Variants in DYNC1H1 observed in about 807,000 individuals in gnomAD.
DYNC1H1 encodes the protein cytoplasmic dynein 1 heavy chain 1.
In DYNC1H1, 51 loss-of-function variants were observed where a neutral mutation model predicts 527.1. That is an observed-to-expected ratio of 0.10 (90% CI 0.08 to 0.12). The LOEUF (loss-of-function observed/expected upper bound fraction) is 0.12, where lower values mean the gene tolerates loss of function less well. Among genes scored for constraint, DYNC1H1 ranks in the 10% least tolerant of loss-of-function variants. The pLI is 1.00. For missense variants in DYNC1H1, 2,771 were observed against 5,971.8 expected, an observed-to-expected ratio of 0.46 and a Z score of 17.66; for synonymous variants, 2,189 against 2,278.8, an observed-to-expected ratio of 0.96 and a Z score of 1.12.
At position 102,002,760 on chromosome 14, in the gene DYNC1H1, A is replaced by G. The variant is rs774668448; in HGVS notation, c.4710-32A>G. The stretch of plus-strand genomic sequence containing the variant: ...CAGCGGCTAGTGACTACTCTACACA[A>G]AGGCTGACGCATGTTTTAATTTCAT... On this transcript the variant is annotated intron_variant, in intron 22 of 77. Transcript: ENST00000360184. This position sits in a 1 kb window ranked among gnomAD's most constrained non-coding sequence, Gnocchi z 4.4. 3 of 1,614,252 alleles carry G rather than the reference A, an allele frequency of 1.9e-6. No homozygotes were observed. In the South Asian group the frequency reaches 3.3e-5, roughly 18 times the overall value.
intron 15 of DYNC1H1, among the ~76,000 whole-genome samples, chr14:101,995,799 G>A (rs919927769): frequency 6.6e-6 from 1 of 152,072 alleles, no homozygotes; most frequent in African/African-American, 2.4e-5. Context: ...GGTGGCTCAT[G>A]CCTGTAATCC....
At chr14:101,980,765 TA>T (rs1178844307) in intron 5 of DYNC1H1, among the ~76,000 whole-genome samples, 1 of 152,270 alleles carries the variant, frequency 6.6e-6, no homozygotes, top group African/African-American at 2.4e-5. Flanking sequence ...TCAGGGGATT[TA>T]AGAACATGAA....
Position 101,984,401 on chromosome 14 carries a change from A to ATGTGTGTG in DYNC1H1, c.1461+816_1461+823dup, listed in dbSNP as rs34162363. Among the ~76,000 whole-genome samples the ATGTGTGTG allele has an allele frequency of 4.2e-3, 435 of 102,392 alleles. 2 individuals carry two copies. Among genetic ancestry groups the ATGTGTGTG allele is most frequent in the African/African-American group, 0.019 (414 of 21,488 alleles). The allele number at this position is 102,392 out of a possible 152,430, so 67.2% of individuals were successfully genotyped here. A position where few individuals can be genotyped will look rare whatever the true frequency, so the allele number is the denominator to read the frequency against. ...TGTGTGTATATATATATGCGTATAT[A>ATGTGTGTG]TGTGTGTGTGTGTGTGTGTGTGTGT... On this transcript the variant is annotated intron_variant, in intron 7 of 77. Transcript: ENST00000360184.
At position 101,965,253 on chromosome 14, in the gene DYNC1H1, A is replaced by G. The variant is rs1392711244; in HGVS notation, c.256+306A>G. ...GGGAAAGGGGTCCCCGTCTGCCGTC[A>G]CCCAAAACAATGGGGTCGCTTTGTC... On this transcript the variant is annotated intron_variant, in intron 1 of 77. Coordinates refer to ENST00000360184, the MANE Select transcript of DYNC1H1 (RefSeq NM_001376.5). The surrounding 1 kb of genome is among the most constrained non-coding windows in gnomAD (Gnocchi z 4.1). 3.3e-5 allele frequency among the ~76,000 whole-genome samples: 5 copies of G among 152,106 alleles called. No individual in the cohort carries two copies. The highest frequency in any genetic ancestry group is 7.4e-5 in the Non-Finnish European group (5 of 67,994).
chr14:101,995,338 G>T, intron 15 of DYNC1H1, 38 bp downstream of exon 15: 1 of 1,612,622 alleles, frequency 6.2e-7, no homozygotes, highest in South Asian at 1.1e-5. Flanking sequence ...TTGGCTGGGC[G>T]TGGTGGCTCA....
chr14:101,971,147 G>A (rs886315254), intron 1 of DYNC1H1, among the ~76,000 whole-genome samples: 1 of 141,438 alleles, frequency 7.1e-6, no homozygotes, highest in South Asian at 2.3e-4. Flanking sequence ...GCCCAGGCTG[G>A]AGTGCAGCGC....
chr14:102,008,049 A>G, intron 28 of DYNC1H1, 129 bp from the exon 29 acceptor site: 1 of 1,319,810 alleles, frequency 7.6e-7, no homozygotes, highest in Non-Finnish European at 1.1e-6. Flanking sequence ...TTATGTCCTT[A>G]CACGCTCTTT....
chr14:101,990,998 A>C (rs1595603381), intron 10 of DYNC1H1, among the ~76,000 whole-genome samples: 1 of 140,260 alleles, frequency 7.1e-6, no homozygotes, highest in African/African-American at 2.7e-5. Context: ...ACAGAGTGAG[A>C]CTCCGTCTCA....
At chr14:101,981,810 G>A (rs2047868332) in intron 5 of DYNC1H1, among the ~76,000 whole-genome samples, 1 of 152,098 alleles carries the variant, frequency 6.6e-6, no homozygotes, top group African/African-American at 2.4e-5. Flanking sequence ...TCAATAAATA[G>A]ATTAGGATCC....
chr14:102,026,874 CA>C, intron 44 of DYNC1H1, 167 bp downstream of exon 44: 1 of 1,055,642 alleles, frequency 9.5e-7, no homozygotes, highest in Non-Finnish European at 1.4e-6. Context: ...TAACCATCCT[CA>C]GTTTATCCTA....
intron 5 of DYNC1H1, 148 bp downstream of exon 5, chr14:101,980,698 C>T (rs2047853244): frequency 6.2e-6 from 6 of 962,002 alleles, no homozygotes. Flanking sequence ...CTTATCTTTC[C>T]CTCAGTTCCA....
At chr14:101,999,903 C>T (rs1453243738) in intron 16 of DYNC1H1, 86 bp from the exon 17 acceptor site, 1 of 1,592,710 alleles carries the variant, frequency 6.3e-7, no homozygotes, top group South Asian at 1.1e-5. Context: ...AGAAGCCCTG[C>T]AGGCTCTGTG....
Position 102,049,639 on chromosome 14 carries a change from G to T in DYNC1H1, c.13515+57G>T. 1 of 1,613,260 alleles carries T rather than the reference G, an allele frequency of 6.2e-7. No individual in the cohort carries two copies. Among genetic ancestry groups the T allele is most frequent in the South Asian group, 1.1e-5 (1 of 91,054 alleles). On this transcript the variant is annotated intron_variant, in intron 75 of 77. Transcript: ENST00000360184. This position sits in a 1 kb window ranked among gnomAD's most constrained non-coding sequence, Gnocchi z 5.5. ...CAGCAGCTGTCCTGGGCTGGGGTGG[G>T]AGTGGCTCTGGGGAAAAACACAGGG... is the stretch of plus-strand genomic sequence containing the variant.
chr14:102,047,699 C>A, intron 72 of DYNC1H1, 118 bp from the exon 73 acceptor site: 1 of 1,118,386 alleles, frequency 8.9e-7, no homozygotes, highest in Non-Finnish European at 1.3e-6. Flanking sequence ...GATTTTGCTG[C>A]AGTTCCCAGT....
chr14:102,015,467 TG>T lies in DYNC1H1; in HGVS notation c.7242+138del. On this transcript the variant is annotated intron_variant, in intron 35 of 77. Coordinates refer to ENST00000360184, the MANE Select transcript of DYNC1H1 (RefSeq NM_001376.5). The surrounding 1 kb of genome is among the most constrained non-coding windows in gnomAD (Gnocchi z 6.9). ...CACCTGCCTTGGCCTCTCAAAGTGC[TG>T]GGATTACAGGCATGAGTCACTGTAC... The T allele has an allele frequency of 2.8e-6, 3 of 1,060,278 alleles. No individual in the cohort carries two copies. The highest frequency in any genetic ancestry group is 2.7e-6 in the Non-Finnish European group (2 of 741,504). 65.7% of individuals were successfully genotyped at this position (1,060,278 alleles called of 1,614,324 possible).
At position 102,025,032 on chromosome 14, in the gene DYNC1H1, G is replaced by A. The variant is rs865966991; in HGVS notation, c.8638-1542G>A. Among the ~76,000 whole-genome samples the A allele has an allele frequency of 1.5e-4, 23 of 150,584 alleles. No individual in the cohort carries two copies. In the Middle Eastern group the frequency reaches 0.014, roughly 89 times the overall value. On this transcript the variant is annotated intron_variant, in intron 43 of 77. Transcript: ENST00000360184. ...TTATAAGGTCTTTTGAAGAACAAAC[G>A]TTCTTAAAGATGTATCTTTCAGGCT...
At chr14:102,045,636 C>CTTTT (rs1222823355) in intron 72 of DYNC1H1, among the ~76,000 whole-genome samples, 1 of 149,254 alleles carries the variant, frequency 6.7e-6, no homozygotes, top group Non-Finnish European at 1.5e-5. Flanking sequence ...AAATCAGTTT[C>CTTTT]TTTTTTTTTT....
At chr14:101,977,156 G>T (rs2047810398) in intron 2 of DYNC1H1, among the ~76,000 whole-genome samples, 1 of 152,134 alleles carries the variant, frequency 6.6e-6, no homozygotes, top group Non-Finnish European at 1.5e-5. Flanking sequence ...AAATTCTAAA[G>T]ATAGCATTAC....
At position 101,986,127 on chromosome 14, in the gene DYNC1H1, G is replaced by A. The variant is rs565737316; in HGVS notation, c.1902G>A (p.Lys634=). ...AGTACCCACAGAGTCAGGCTTGTAA[G>A]ATGAGTCACGTTCGTGACTTGCCCC... is the stretch of plus-strand genomic sequence containing the variant. ...KVQYPQSQAC[K]MSHVRDLPPV... Residue 634 remains lysine, a synonymous_variant, in exon 8 of 78, where the codon AAG becomes AAA. Transcript: ENST00000360184. The surrounding 1 kb of genome is among the most constrained non-coding windows in gnomAD (Gnocchi z 8.7). 2 of 1,614,226 alleles carry A rather than the reference G, an allele frequency of 1.2e-6. No individual in the cohort carries two copies. Among genetic ancestry groups the A allele is most frequent in the South Asian group, 2.2e-5 (2 of 91,090 alleles).
Sources: allele counts gnomAD v4.1 joint callset (sites outside exome capture counted in the v4.1 genomes callset), GRCh38; gene constraint gnomAD v4.1.1; non-coding constraint Gnocchi (gnomAD v3.1); transcripts MANE v1.5; gene names NCBI Gene and HGNC (gene_info 2026-07-23, HGNC 2026-07-21).